NF1: variants seen among roughly 807,000 people sequenced by gnomAD.
NF1 encodes neurofibromin.
In NF1, 122 loss-of-function variants were observed where a neutral mutation model predicts 325.7. The ratio of observed to expected loss-of-function variants is 0.37; its 90% CI spans 0.32 to 0.44. The LOEUF (loss-of-function observed/expected upper bound fraction) is 0.44, where lower values mean the gene tolerates loss of function less well. NF1 is among the 20% of genes least tolerant of loss of function. The pLI is 1.00. For missense variants in NF1, 2,140 were observed against 3,415.4 expected (o/e 0.63, Z 9.31); for synonymous variants, 1,091 against 1,186.0 (o/e 0.92, Z 1.65).
In NF1 at chr17:31,095,221, C is replaced by T. The variant is rs1357824988; in HGVS notation, c.-89C>T. 1.6e-6 allele frequency: 2 copies of T among 1,272,600 alleles called. No individual in the cohort carries two copies. The highest frequency in any genetic ancestry group is 2.2e-6 in the Non-Finnish European group (2 of 908,378). The allele number at this position is 1,272,600 out of a possible 1,614,324, so 78.8% of individuals were successfully genotyped here. A position where few individuals can be genotyped will look rare whatever the true frequency, so the allele number is the denominator to read the frequency against. ...CCACAGACCCTCTCCTTGCCTCTTCCCTCACCTCAGCCTCCGCTCCCCGCC... is the reference window on the plus strand; with the variant it reads ...CCACAGACCCTCTCCTTGCCTCTTCTCTCACCTCAGCCTCCGCTCCCCGCC... On this transcript the variant is annotated 5_prime_UTR_variant, in exon 1 of 58. Coordinates refer to ENST00000358273, the MANE Select transcript of NF1 (RefSeq NM_001042492.3).
chr17:31,179,974 C>T (rs960659134), intron 5 of NF1, among the ~76,000 whole-genome samples: 1 of 152,214 alleles, frequency 6.6e-6, no homozygotes, highest in Admixed American at 6.5e-5. Flanking sequence ...ATAAACACCT[C>T]TGTGCAAATA....
At chr17:31,338,858 GTTAC>G in intron 46 of NF1, 53 bp downstream of exon 46, 6 of 1,128,596 alleles carry the variant, frequency 5.3e-6, no homozygotes, top group Non-Finnish European at 8.1e-6. Context: ...AGTGTTGAAT[GTTAC>G]TTTCTTTCAA....
At chr17:31,185,191 A>G (rs893648431) in intron 8 of NF1, among the ~76,000 whole-genome samples, 6 of 152,098 alleles carry the variant, frequency 3.9e-5, no homozygotes, top group Non-Finnish European at 8.8e-5. Context: ...AGCCACCCCC[A>G]ACACCCCTGT....
At position 31,232,326 on chromosome 17, in the gene NF1, T is replaced by C. The variant is rs2067127083; in HGVS notation, c.3314+137T>C. 6.0e-6 allele frequency: 4 copies of C among 668,402 alleles called. No homozygotes were observed. The East Asian group carries it at 8.0e-5, about 13-fold the overall frequency. 41.4% of individuals were successfully genotyped at this position (668,402 alleles called of 1,614,324 possible). On this transcript the variant is annotated intron_variant, in intron 25 of 57. Transcript: ENST00000358273. Reference sequence around the variant, plus strand: ...TGTTTTGTGATTTTTTTAAAGAAAGTAATATGATCAGTGAAATTTTGCTTA... The same window carrying C: ...TGTTTTGTGATTTTTTTAAAGAAAGCAATATGATCAGTGAAATTTTGCTTA...
At chr17:31,173,496 C>T (rs1217392241) in intron 5 of NF1, among the ~76,000 whole-genome samples, 1 of 151,504 alleles carries the variant, frequency 6.6e-6, no homozygotes, top group Non-Finnish European at 1.5e-5. Context: ...CTCGGGTGGC[C>T]GAGGCACAGC....
intron 33 of NF1, 52 bp from the exon 34 acceptor site, chr17:31,260,317 A>C: frequency 1.3e-6 from 2 of 1,570,516 alleles, no homozygotes; most frequent in Non-Finnish European, 1.8e-6. Context: ...ATTCAAACAT[A>C]AGTCTGGGTG....
At chr17:31,344,276 G>A (rs537372720) in intron 48 of NF1, among the ~76,000 whole-genome samples, 43 of 152,172 alleles carry the variant, frequency 2.8e-4, no homozygotes, top group South Asian at 6.2e-4. Flanking sequence ...CTCAGAGCCC[G>A]CTCATTCACT....
chr17:31,341,594 AGTGTGT>A (rs760580157), intron 47 of NF1, among the ~76,000 whole-genome samples: 2 of 145,040 alleles, frequency 1.4e-5, no homozygotes, highest in African/African-American at 2.6e-5. Flanking sequence ...ATATATATAA[AGTGTGT>A]GTGTGTGTGT....
chr17:31,114,944 T>TTA (rs1313761955), intron 1 of NF1, among the ~76,000 whole-genome samples: 1 of 152,180 alleles, frequency 6.6e-6, no homozygotes, highest in Admixed American at 6.5e-5. Flanking sequence ...AGTTTTGCTC[T>TTA]TATATATATA....
intron 57 of NF1, among the ~76,000 whole-genome samples, chr17:31,364,050 C>A (rs1259371293): frequency 6.6e-6 from 1 of 152,180 alleles, no homozygotes; most frequent in African/African-American, 2.4e-5. Context: ...CATCTCATTT[C>A]TTTATGGCGT....
intron 36 of NF1, among the ~76,000 whole-genome samples, chr17:31,309,248 A>G (rs1236855398): frequency 6.6e-6 from 1 of 152,216 alleles, no homozygotes; most frequent in Non-Finnish European, 1.5e-5. Flanking sequence ...TGCCTTATAT[A>G]TTAGGAGCAC....
intron 29 of NF1, among the ~76,000 whole-genome samples, chr17:31,245,306 C>T (rs1012164764): frequency 1.3e-5 from 2 of 152,208 alleles, no homozygotes; most frequent in African/African-American, 4.8e-5. Flanking sequence ...GCTGTCTCTT[C>T]AATTAGCCAC....
At chr17:31,335,848 T>G (rs1196938795) in intron 40 of NF1, among the ~76,000 whole-genome samples, 3 of 135,350 alleles carry the variant, frequency 2.2e-5, no homozygotes, top group African/African-American at 7.8e-5. Flanking sequence ...CTGGCTAATT[T>G]TTGTATTTTT....
chr17:31,276,161 A>G (rs552032082), intron 36 of NF1, among the ~76,000 whole-genome samples: 33 of 136,986 alleles, frequency 2.4e-4, no homozygotes, highest in African/African-American at 8.9e-4. Flanking sequence ...GTGAGCTGAG[A>G]TCGCACCACT....
At chr17:31,155,091 A>C (rs1033683169) in intron 1 of NF1, among the ~76,000 whole-genome samples, 4 of 152,176 alleles carry the variant, frequency 2.6e-5, no homozygotes, top group African/African-American at 7.2e-5. Context: ...AAACTTGGGC[A>C]TGCCCCTCGG....
At chr17:31,367,063 G>A (rs1567631546) in intron 57 of NF1, among the ~76,000 whole-genome samples, 1 of 151,894 alleles carries the variant, frequency 6.6e-6, no homozygotes, top group Non-Finnish European at 1.5e-5. Context: ...TTTACCAACT[G>A]TAATATTTAG....
Position 31,201,578 on chromosome 17 carries a change from A to C in NF1, c.1260+93A>C. 5 of 925,000 alleles carry C rather than the reference A, an allele frequency of 5.4e-6. No homozygotes were observed. The South Asian group carries it at 7.0e-5, about 13-fold the overall frequency. The allele number at this position is 925,000 out of a possible 1,614,324, so 57.3% of individuals were successfully genotyped here. A position where few individuals can be genotyped will look rare whatever the true frequency, so the allele number is the denominator to read the frequency against. ...TTTAAGAAATGCACTCTTGGTTTTC[A>C]AAAAGGTTCTGAATTTAGATGTATG... is the stretch of plus-strand genomic sequence containing the variant. On this transcript the variant is annotated intron_variant, in intron 11 of 57. Coordinates refer to ENST00000358273, the MANE Select transcript of NF1 (RefSeq NM_001042492.3).
intron 40 of NF1, among the ~76,000 whole-genome samples, chr17:31,335,267 G>T (rs1195903441): frequency 2.7e-3 from 1 of 376 alleles, no homozygotes; most frequent in Non-Finnish European, 0.012. Context: ...TCTCCTTCAA[G>T]GCATAATTAT....
In NF1 at chr17:31,356,947, T is replaced by C. The variant is rs1482213144; in HGVS notation, c.7739-13T>C. ...CAGGTGTTTGATCACGTTAATTCCC[T>C]ATCTTGCTGCAGAAACTCAGAGGAT... is the stretch of plus-strand genomic sequence containing the variant. On this transcript the variant is annotated splice_polypyrimidine_tract_variant and intron_variant, in intron 52 of 57. Transcript: ENST00000358273. 2 of 1,613,714 alleles carry C rather than the reference T, an allele frequency of 1.2e-6. No homozygotes were observed. Among genetic ancestry groups the C allele is most frequent in the Non-Finnish European group, 8.5e-7 (1 of 1,179,910 alleles).
Sources: allele counts gnomAD v4.1 joint callset (sites outside exome capture counted in the v4.1 genomes callset), GRCh38; gene constraint gnomAD v4.1.1; transcripts MANE v1.5; gene names NCBI Gene and HGNC (gene_info 2026-07-23, HGNC 2026-07-21).